PTPRM: variants seen among roughly 807,000 people sequenced by gnomAD.
PTPRM encodes the protein protein tyrosine phosphatase receptor type M, also known as receptor-type tyrosine-protein phosphatase mu.
A neutral mutation model predicts 186.7 loss-of-function variants in PTPRM; 47 were observed. That is an observed-to-expected ratio of 0.25 (90% CI 0.20 to 0.32). PTPRM has a LOEUF of 0.32. PTPRM is among the 10% of genes least tolerant of loss of function. PTPRM has a pLI of 1.00. For synonymous variants in PTPRM, 668 were observed against 674.9 expected, an observed-to-expected ratio of 0.99 and a Z score of 0.16; for missense variants, 1,494 against 1,865.0, an observed-to-expected ratio of 0.80 and a Z score of 3.66.
intron 14 of PTPRM, among the ~76,000 whole-genome samples, chr18:8,186,267 A>G (rs1443243239): frequency 6.7e-6 from 1 of 149,200 alleles, no homozygotes; most frequent in Non-Finnish European, 1.5e-5. Context: ...CGAAGGTTGC[A>G]GTGAGCGGAG....
chr18:7,709,429 A>C (rs1415315994), intron 1 of PTPRM, among the ~76,000 whole-genome samples: 1 of 152,176 alleles, frequency 6.6e-6, no homozygotes, highest in Non-Finnish European at 1.5e-5. Context: ...GAAAGTTCAT[A>C]GCATTAAATG....
At position 8,376,388 on chromosome 18, in the gene PTPRM, G is replaced by A. The variant is rs925237009; in HGVS notation, c.3327-74G>A. 19 of 1,600,334 alleles carry A rather than the reference G, an allele frequency of 1.2e-5. 1 individual carries two copies. In the African/African-American group the frequency reaches 1.9e-4, roughly 16 times the overall value. ...TTTTATATTATGTAAATTTCACCTCGATAAAAAATTTAAAAAGCAGCAGCA... is the reference window on the plus strand; with the variant it reads ...TTTTATATTATGTAAATTTCACCTCAATAAAAAATTTAAAAAGCAGCAGCA... On this transcript the variant is annotated intron_variant, in intron 25 of 32. Transcript: ENST00000580170.
intron 7 of PTPRM, among the ~76,000 whole-genome samples, chr18:7,959,319 A>G (rs2053518319): frequency 6.6e-6 from 1 of 152,188 alleles, no homozygotes; most frequent in Admixed American, 6.5e-5. Flanking sequence ...CATGATTTCT[A>G]TTGTGGGCTC....
At chr18:8,348,201 C>G (rs2095515696) in intron 23 of PTPRM, among the ~76,000 whole-genome samples, 1 of 152,268 alleles carries the variant, frequency 6.6e-6, no homozygotes, top group Admixed American at 6.5e-5. Context: ...TAGGCGGATG[C>G]GTGTTTGTTT....
chr18:8,343,574 CAG>C, intron 23 of PTPRM, 54 bp downstream of exon 23: 1 of 1,534,976 alleles, frequency 6.5e-7, no homozygotes, highest in Non-Finnish European at 9.0e-7. Context: ...TAGTTGGTAA[CAG>C]AAAGTAAGGC....
chr18:8,077,221 T>G (rs1650623130), intron 9 of PTPRM, among the ~76,000 whole-genome samples: 1 of 152,262 alleles, frequency 6.6e-6, no homozygotes, highest in South Asian at 2.1e-4. Context: ...AGCAGGTGTG[T>G]TTTTTTAAGC....
intron 4 of PTPRM, among the ~76,000 whole-genome samples, chr18:7,924,224 T>C (rs1420598808): frequency 6.6e-6 from 1 of 152,112 alleles, no homozygotes; most frequent in Non-Finnish European, 1.5e-5. Context: ...CACACAGTGG[T>C]GGTGATTAAT....
intron 5 of PTPRM, among the ~76,000 whole-genome samples, chr18:7,943,289 C>T (rs1442930034): frequency 2.0e-5 from 3 of 152,134 alleles, no homozygotes; most frequent in Admixed American, 2.0e-4. Flanking sequence ...GCTCTTCTGT[C>T]TCTTCATGCC....
chr18:8,123,077 A>G (rs2092231885), intron 13 of PTPRM, among the ~76,000 whole-genome samples: 1 of 152,192 alleles, frequency 6.6e-6, no homozygotes, highest in African/African-American at 2.4e-5. Context: ...ATACATTCAT[A>G]TAGGAAAAGA....
At chr18:7,813,774 T>A (rs1276141463) in intron 2 of PTPRM, among the ~76,000 whole-genome samples, 1 of 152,068 alleles carries the variant, frequency 6.6e-6, no homozygotes, top group African/African-American at 2.4e-5. Context: ...TTTTTCCCCC[T>A]ATGGGAGATG....
At chr18:8,382,323 C>A (rs1161628155) in intron 29 of PTPRM, among the ~76,000 whole-genome samples, 1 of 152,122 alleles carries the variant, frequency 6.6e-6, no homozygotes, top group Non-Finnish European at 1.5e-5. Context: ...AAGTGGCAAG[C>A]TTTTGGTCAG....
At chr18:8,348,258 T>TC (rs1446410801) in intron 23 of PTPRM, among the ~76,000 whole-genome samples, 1 of 152,206 alleles carries the variant, frequency 6.6e-6, no homozygotes, top group Admixed American at 6.5e-5. Context: ...GGGACCTGCT[T>TC]CCCCCCATTT....
At chr18:8,257,112 C>T (rs2094581865) in intron 19 of PTPRM, among the ~76,000 whole-genome samples, 1 of 152,226 alleles carries the variant, frequency 6.6e-6, no homozygotes, top group Non-Finnish European at 1.5e-5. Context: ...GATGCGCAGG[C>T]ATACTCTGAA....
At chr18:7,984,755 AC>A (rs2082766633) in intron 7 of PTPRM, among the ~76,000 whole-genome samples, 1 of 140,510 alleles carries the variant, frequency 7.1e-6, no homozygotes. Context: ...AATTATATAC[AC>A]ATATATAAAT....
intron 2 of PTPRM, among the ~76,000 whole-genome samples, chr18:7,862,380 G>T (rs1203281026): frequency 1.3e-5 from 2 of 152,114 alleles, no homozygotes; most frequent in Admixed American, 1.3e-4. Context: ...ATTGTGCTTT[G>T]TCAACTACAT....
intron 2 of PTPRM, among the ~76,000 whole-genome samples, chr18:7,845,451 A>G (rs1006202210): frequency 5.3e-5 from 8 of 152,088 alleles, no homozygotes; most frequent in Non-Finnish European, 8.8e-5. Context: ...TACTAGTAAT[A>G]ATTTATGTGA....
chr18:8,200,992 T>G (rs182328456), intron 14 of PTPRM, among the ~76,000 whole-genome samples: 137 of 152,282 alleles, frequency 9.0e-4, no homozygotes, highest in Admixed American at 2.2e-3. Context: ...TTAATATGAT[T>G]AATAATACTA....
chr18:8,239,302 A>C (rs2094389812), intron 14 of PTPRM, among the ~76,000 whole-genome samples: 1 of 152,030 alleles, frequency 6.6e-6, no homozygotes, highest in East Asian at 1.9e-4. Context: ...AATTTCATCC[A>C]TGTCACATAG....
rs578130578 is a variant in PTPRM at position 7,846,697 on chromosome 18, G to A, written c.197-41409G>A. On this transcript the variant is annotated intron_variant, in intron 2 of 32. Coordinates refer to ENST00000580170, the MANE Select transcript of PTPRM (RefSeq NM_001105244.2). ...GCCTAGGGAAGCGCACAGCCCTGGA[G>A]GGCACTCACTAAATGCTTAGTGAAC... Among the ~76,000 whole-genome samples the A allele has an allele frequency of 3.3e-5, 5 of 152,308 alleles. No homozygotes were observed. The South Asian group carries it at 1.0e-3, about 32-fold the overall frequency.
Sources: allele counts gnomAD v4.1 joint callset (sites outside exome capture counted in the v4.1 genomes callset), GRCh38; gene constraint gnomAD v4.1.1; transcripts MANE v1.5; gene names NCBI Gene and HGNC (gene_info 2026-07-23, HGNC 2026-07-21).